SPMIP2: variants seen among roughly 807,000 people sequenced by gnomAD.
SPMIP2 encodes protein SPMIP2.
chr4:158,986,022 T>C, the SPMIP2 span, among the ~76,000 whole-genome samples: 143,446 of 145,892 alleles, frequency 0.98, 70,570 homozygotes, highest in East Asian at 1. Flanking sequence ...CATGAGTGAA[T>C]TCCCATTCAC....
chr4:158,992,558 C>G, the SPMIP2 span, among the ~76,000 whole-genome samples: 1 of 87,242 alleles, frequency 1.1e-5, no homozygotes, highest in Admixed American at 1.1e-4. Flanking sequence ...TACTTGCCAG[C>G]TGTCTTGGTT....
At chr4:158,906,725 TG>T in the SPMIP2 span, 1 of 152,176 alleles carries the variant, frequency 6.6e-6, no homozygotes, top group East Asian at 1.9e-4. Flanking sequence ...CCAAGAATGT[TG>T]CTGCTCTTTT....
At chr4:158,997,887 C>T in the SPMIP2 span, among the ~76,000 whole-genome samples, 1 of 152,132 alleles carries the variant, frequency 6.6e-6, no homozygotes, top group Admixed American at 6.5e-5. Flanking sequence ...AAACCCCTGG[C>T]CTCAAGTGAT....
chr4:159,058,389 T>C, the SPMIP2 span, among the ~76,000 whole-genome samples: 1 of 152,160 alleles, frequency 6.6e-6, no homozygotes, highest in Non-Finnish European at 1.5e-5. Context: ...TGGTTATATA[T>C]TGTTTTGTGT....
At chr4:159,021,502 C>G in the SPMIP2 span, among the ~76,000 whole-genome samples, 1 of 152,258 alleles carries the variant, frequency 6.6e-6, no homozygotes, top group Middle Eastern at 3.4e-3. Flanking sequence ...GGATTCTTGA[C>G]CAATATATAG....
At chr4:158,901,041 C>G in the SPMIP2 span, among the ~76,000 whole-genome samples, 1 of 151,732 alleles carries the variant, frequency 6.6e-6, no homozygotes, top group East Asian at 1.9e-4. Context: ...GTGACAGAAT[C>G]TCTCAGCATT....
At chr4:159,060,499 C>A in the SPMIP2 span, among the ~76,000 whole-genome samples, 1 of 152,164 alleles carries the variant, frequency 6.6e-6, no homozygotes, top group Non-Finnish European at 1.5e-5. Flanking sequence ...GATTGTTTCC[C>A]AGACACTGGA....
At chr4:159,032,821 T>C in the SPMIP2 span, among the ~76,000 whole-genome samples, 1 of 138,870 alleles carries the variant, frequency 7.2e-6, no homozygotes, top group Non-Finnish European at 1.5e-5. Flanking sequence ...AAACAGACAA[T>C]ACCAAAGGCT....
chr4:158,905,637 C>A, the SPMIP2 span: 3 of 150,846 alleles, frequency 2.0e-5, no homozygotes, highest in African/African-American at 7.3e-5. Flanking sequence ...AACATCTTTC[C>A]AGACATTAAC....
At chr4:159,019,296 CA>C in the SPMIP2 span, among the ~76,000 whole-genome samples, 2 of 100,240 alleles carry the variant, frequency 2.0e-5, no homozygotes, top group African/African-American at 3.9e-5. Context: ...GACTCCGTCT[CA>C]AAAAAAAAAA....
chr4:158,950,787 T>G, the SPMIP2 span, among the ~76,000 whole-genome samples: 1 of 152,064 alleles, frequency 6.6e-6, no homozygotes, highest in East Asian at 1.9e-4. Context: ...TCCCAGCTAC[T>G]CAGGAGGCTG....
At chr4:158,949,011 T>G in the SPMIP2 span, among the ~76,000 whole-genome samples, 1 of 152,188 alleles carries the variant, frequency 6.6e-6, no homozygotes, top group Non-Finnish European at 1.5e-5. Flanking sequence ...TTGTTAGATA[T>G]TATACATTTT....
At chr4:159,080,022 AT>A in the SPMIP2 span, among the ~76,000 whole-genome samples, 1 of 150,956 alleles carries the variant, frequency 6.6e-6, no homozygotes, top group African/African-American at 2.5e-5. Flanking sequence ...TTATTATCAA[AT>A]AATCAAATAA....
the SPMIP2 span, among the ~76,000 whole-genome samples, chr4:158,997,814 G>A: frequency 3.3e-5 from 5 of 151,922 alleles, no homozygotes; most frequent in South Asian, 2.1e-4. Context: ...CTCCACACTC[G>A]GCTAATTTTT....
the SPMIP2 span, among the ~76,000 whole-genome samples, chr4:159,066,745 A>AT: frequency 6.6e-6 from 1 of 151,946 alleles, no homozygotes; most frequent in African/African-American, 2.4e-5. Context: ...TTGTAACCTT[A>AT]TATCTGCTCT....
chr4:158,949,045 T>C, the SPMIP2 span, among the ~76,000 whole-genome samples: 1 of 152,064 alleles, frequency 6.6e-6, no homozygotes, highest in African/African-American at 2.4e-5. Context: ...TTTTTTCTCT[T>C]CTTTTTCATC....
At chr4:158,913,800 A>G in the SPMIP2 span, among the ~76,000 whole-genome samples, 1 of 151,328 alleles carries the variant, frequency 6.6e-6, no homozygotes, top group Admixed American at 6.6e-5. Flanking sequence ...GCCCATGAAT[A>G]GCCAATGCAC....
At chr4:159,061,084 CAAA>C in the SPMIP2 span, among the ~76,000 whole-genome samples, 17 of 138,344 alleles carry the variant, frequency 1.2e-4, no homozygotes, top group South Asian at 2.3e-4. Flanking sequence ...GACCCTATCT[CAAA>C]AAAAAAAATA....
At chr4:158,913,791 C>T in the SPMIP2 span, among the ~76,000 whole-genome samples, 2 of 151,316 alleles carry the variant, frequency 1.3e-5, no homozygotes, top group African/African-American at 4.9e-5. Context: ...TATGGTTGTG[C>T]CCATGAATAG....
Sources: allele counts gnomAD v4.1 joint callset (sites outside exome capture counted in the v4.1 genomes callset), GRCh38; gene constraint gnomAD v4.1.1; transcripts MANE v1.5; gene names NCBI Gene and HGNC (gene_info 2026-07-23, HGNC 2026-07-21).